The following SRGAP1 variants were observed in gnomAD, a reference collection of about 807,000 sequenced individuals.
The protein encoded by SRGAP1 is SLIT-ROBO Rho GTPase activating protein 1.
SRGAP1 carries 43 observed loss-of-function variants against 121.9 expected under a neutral mutation model. The observed-to-expected ratio is 0.35, with a 90% CI of 0.28 to 0.46. SRGAP1 has a LOEUF of 0.46. Among genes scored for constraint, SRGAP1 ranks in the 20% least tolerant of loss-of-function variants. SRGAP1 has a pLI of 1.00. For synonymous variants in SRGAP1, 447 were observed against 485.4 expected, an observed-to-expected ratio of 0.92 and a Z score of 1.04; for missense variants, 1,102 against 1,350.9, an observed-to-expected ratio of 0.82 and a Z score of 2.89.
At chr12:64,041,156 A>G (rs117158923) in intron 4 of SRGAP1, among the ~76,000 whole-genome samples, 1,573 of 151,884 alleles carry the variant, frequency 0.01, 72 homozygotes, top group Admixed American at 0.074. Context: ...GAAATATCCT[A>G]AAGTTTTTAA....
intron 18 of SRGAP1, among the ~76,000 whole-genome samples, chr12:64,117,066 G>A (rs1306562792): frequency 6.6e-6 from 1 of 152,192 alleles, no homozygotes; most frequent in Admixed American, 6.5e-5. Flanking sequence ...GGGCAGCAGT[G>A]GCCTGGAGTG....
chr12:63,949,081 T>A (rs61933143), intron 1 of SRGAP1, among the ~76,000 whole-genome samples: 1,211 of 79,946 alleles, frequency 0.015, 4 homozygotes, highest in East Asian at 0.049. Context: ...TCCATATATG[T>A]ATTTTCCATA....
At chr12:63,945,139 G>C (rs1008177553) in intron 1 of SRGAP1, among the ~76,000 whole-genome samples, 12 of 151,922 alleles carry the variant, frequency 7.9e-5, no homozygotes, top group Non-Finnish European at 1.6e-4. Flanking sequence ...TCCCCAACAA[G>C]ACAGACAGCA....
At chr12:64,019,684 A>G (rs977586853) in intron 4 of SRGAP1, among the ~76,000 whole-genome samples, 1 of 152,188 alleles carries the variant, frequency 6.6e-6, no homozygotes, top group Non-Finnish European at 1.5e-5. Context: ...CCATTATATT[A>G]ATACTTACTC....
chr12:64,008,982 A>G (rs1052331581), intron 3 of SRGAP1, among the ~76,000 whole-genome samples: 1 of 152,134 alleles, frequency 6.6e-6, no homozygotes, highest in African/African-American at 2.4e-5. Flanking sequence ...TTTTGGTCAC[A>G]CCAGGGAACG....
intron 3 of SRGAP1, among the ~76,000 whole-genome samples, chr12:63,998,574 C>T (rs2136430893): frequency 6.6e-6 from 1 of 152,324 alleles, no homozygotes; most frequent in African/African-American, 2.4e-5. Context: ...GGAAGGTTCA[C>T]ATGGCACAGA....
chr12:63,848,770 A>G (rs1898985207), intron 1 of SRGAP1, among the ~76,000 whole-genome samples: 1 of 152,204 alleles, frequency 6.6e-6, no homozygotes, highest in Admixed American at 6.5e-5. Context: ...GTTCATATTA[A>G]TTGCCTCATA....
At chr12:63,948,128 C>T (rs1052848609) in intron 1 of SRGAP1, among the ~76,000 whole-genome samples, 1 of 151,948 alleles carries the variant, frequency 6.6e-6, no homozygotes, top group Admixed American at 6.6e-5. Flanking sequence ...AGCTTTCTTT[C>T]GCCCTAAAAT....
chr12:64,109,303 A>G (rs2036395565), intron 16 of SRGAP1, among the ~76,000 whole-genome samples: 1 of 152,178 alleles, frequency 6.6e-6, no homozygotes, highest in Non-Finnish European at 1.5e-5. Context: ...CTTTTCAGTG[A>G]GAAGTGTTAT....
At chr12:63,853,950 C>T (rs1201925850) in intron 1 of SRGAP1, among the ~76,000 whole-genome samples, 1 of 152,180 alleles carries the variant, frequency 6.6e-6, no homozygotes, top group Non-Finnish European at 1.5e-5. Context: ...CATTTATATA[C>T]TTTGGTTTTT....
At chr12:64,005,571 A>G (rs2034054345) in intron 3 of SRGAP1, among the ~76,000 whole-genome samples, 1 of 152,134 alleles carries the variant, frequency 6.6e-6, no homozygotes, top group South Asian at 2.1e-4. Context: ...ATTTGAGCCC[A>G]AGAATTCAAG....
In SRGAP1 at chr12:64,142,830, A is replaced by T; in HGVS notation, c.*158A>T. ...GAATGTAATGTCTGAGACTAGCTAA[A>T]TTAACACGGGCATTTGTATTTTGTA... On this transcript the variant is annotated 3_prime_UTR_variant, in exon 22 of 22. Coordinates refer to ENST00000355086, the MANE Select transcript of SRGAP1 (RefSeq NM_020762.4). 1 of 954,280 alleles carries T rather than the reference A, an allele frequency of 1.0e-6. No individual in the cohort carries two copies. Among genetic ancestry groups the T allele is most frequent in the Non-Finnish European group, 1.5e-6 (1 of 650,028 alleles). The allele number at this position is 954,280 out of a possible 1,614,324, so 59.1% of individuals were successfully genotyped here.
At chr12:64,118,871 C>A (rs2036562279) in intron 18 of SRGAP1, among the ~76,000 whole-genome samples, 8 of 151,830 alleles carry the variant, frequency 5.3e-5, no homozygotes, top group Non-Finnish European at 1.5e-5. Context: ...ACAGGCATGG[C>A]TAATTTTTGT....
chr12:64,142,464 T>G lies in SRGAP1; in HGVS notation c.3050T>G (p.Leu1017Arg). The part of the protein sequence containing the change: ...ESLSPLHNVA[L>R]RSSEPQIRRS... ...CTCAGCCCTTTGCACAACGTTGCCCTCAGGAGCTCCGAGCCTCAGATTCGA... is the reference window on the plus strand; with the variant it reads ...CTCAGCCCTTTGCACAACGTTGCCCGCAGGAGCTCCGAGCCTCAGATTCGA... Residue 1017 changes from leucine to arginine, a missense_variant, in exon 22 of 22, where the codon CTC (leucine) becomes CGC (arginine). Leu to Arg is a moderately radical substitution (Grantham distance 102). Around this residue, in one of 3 missense-constraint regions of SRGAP1, gnomAD observed 315 missense variants for 343.1 expected, o/e 0.92. Transcript: ENST00000355086. 4.3e-6 allele frequency: 7 copies of G among 1,614,106 alleles called. No homozygotes were observed. The highest frequency in any genetic ancestry group is 5.9e-6 in the Non-Finnish European group (7 of 1,180,022).
At chr12:63,920,812 G>C (rs1033974199) in intron 1 of SRGAP1, among the ~76,000 whole-genome samples, 1 of 152,172 alleles carries the variant, frequency 6.6e-6, no homozygotes, top group African/African-American at 2.4e-5. Flanking sequence ...CCTGGTTTGG[G>C]AGTGAATAAC....
chr12:64,103,094 C>G (rs1023005061), intron 15 of SRGAP1, among the ~76,000 whole-genome samples: 3 of 152,166 alleles, frequency 2.0e-5, no homozygotes, highest in Admixed American at 6.5e-5. Flanking sequence ...ATCCTCCCCC[C>G]TCAGCCTCCC....
rs2037071594 is a variant in SRGAP1 at position 64,147,450 on chromosome 12, G to A, written c.*4778G>A. 5.6e-6 allele frequency: 2 copies of A among 358,010 alleles called. No individual in the cohort carries two copies. The highest frequency in any genetic ancestry group is 7.9e-5 in the East Asian group (2 of 25,446). 22.2% of individuals were successfully genotyped at this position (358,010 alleles called of 1,614,324 possible). A position where few individuals can be genotyped will look rare whatever the true frequency, so the allele number is the denominator to read the frequency against. On this transcript the variant is annotated 3_prime_UTR_variant, in exon 22 of 22. Coordinates refer to ENST00000355086, the MANE Select transcript of SRGAP1 (RefSeq NM_020762.4). ...ACCTTCCCCATCCCCGCCTTCCTGT[G>A]CCTCGGTGCTCAGTAATGTCCCATC... is the stretch of plus-strand genomic sequence containing the variant.
At chr12:64,004,102 C>G (rs9668855) in intron 3 of SRGAP1, among the ~76,000 whole-genome samples, 59,317 of 151,878 alleles carry the variant, frequency 0.39, 12,020 homozygotes, top group South Asian at 0.51. Flanking sequence ...GCAAAATTGT[C>G]CCTAGCTGAG....
chr12:64,148,755 TAAC>T lies in SRGAP1; in HGVS notation c.*6086_*6088del, dbSNP rs756208460. The T allele has an allele frequency of 1.4e-4, 21 of 152,322 alleles. No individual in the cohort carries two copies. Among genetic ancestry groups the T allele is most frequent in the South Asian group, 6.2e-4 (3 of 4,832 alleles). 9.4% of individuals were successfully genotyped at this position (152,322 alleles called of 1,614,324 possible). On this transcript the variant is annotated 3_prime_UTR_variant, in exon 22 of 22. Coordinates refer to ENST00000355086, the MANE Select transcript of SRGAP1 (RefSeq NM_020762.4). ...CACTTTTTATTAAAGTGCAGAATAC[TAAC>T]AAAAGTGTGCAAATCATTAGTGTAA... is the stretch of plus-strand genomic sequence containing the variant.
Sources: gnomAD v4.1 joint callset for allele counts (sites outside exome capture counted in the v4.1 genomes callset) on GRCh38, gnomAD v4.1.1 for gene constraint, gnomAD v4.1.1 regional missense constraint, MANE v1.5 for transcripts, NCBI Gene and HGNC (gene_info 2026-07-23, HGNC 2026-07-21) for gene names.